TTLL7: variants seen among roughly 807,000 people sequenced by gnomAD.
The protein encoded by TTLL7 is tubulin polyglutamylase TTLL7.
Under a neutral mutation model 120.2 loss-of-function variants are expected in TTLL7, and 53 were observed. The ratio of observed to expected loss-of-function variants is 0.44; its 90% CI spans 0.35 to 0.55. TTLL7 has a LOEUF of 0.55. Among genes scored for constraint, TTLL7 ranks in the 20% least tolerant of loss-of-function variants. The pLI is 0.00. For synonymous variants in TTLL7, 353 were observed against 351.7 expected, an observed-to-expected ratio of 1.00 and a Z score of -0.04; for missense variants, 803 against 1,054.7, an observed-to-expected ratio of 0.76 and a Z score of 3.31.
In TTLL7 at chr1:83,865,036, G is replaced by A. The variant is rs751907772; in HGVS notation, c.*4926C>T. On this transcript the variant is annotated 3_prime_UTR_variant, in exon 21 of 21. Transcript: ENST00000260505. ...TGATGACATATTGTAGCTTTCTTAG[G>A]TTAAACTTTTTTATTATAGTAATGT... 6.8e-6 allele frequency: 1 copy of A among 148,022 alleles called. No individual in the cohort carries two copies. Among genetic ancestry groups the A allele is most frequent in the African/African-American group, 2.5e-5 (1 of 40,322 alleles). The allele number at this position is 148,022 out of a possible 1,614,324, so 9.2% of individuals were successfully genotyped here.
chr1:83,910,699 C>T (rs1242674762), intron 15 of TTLL7, among the ~76,000 whole-genome samples: 1 of 152,008 alleles, frequency 6.6e-6, no homozygotes, highest in Non-Finnish European at 1.5e-5. Context: ...AACAAAACTC[C>T]AACTATTTCA....
At chr1:83,910,429 T>C (rs1657578936) in intron 15 of TTLL7, among the ~76,000 whole-genome samples, 1 of 152,036 alleles carries the variant, frequency 6.6e-6, no homozygotes, top group Admixed American at 6.6e-5. Flanking sequence ...CAACTGAATC[T>C]AGGCAAACAG....
In TTLL7 at chr1:83,904,104, T is replaced by G. The variant is rs1656980161; in HGVS notation, c.2183A>C (p.Lys728Thr). Residue 728 changes from lysine (K) to threonine (T), a missense_variant, in exon 18 of 21, where the codon AAA becomes ACA. Coordinates refer to ENST00000260505, the MANE Select transcript of TTLL7 (RefSeq NM_024686.6). The stretch of plus-strand genomic sequence containing the variant: ...TTTTCGTTGTTTTACAGAGTCCAAT[T>G]TTATGAGCCAATATGAAGCCACTTT... ...KTKVASYWLI[K>T]LDSVKQRKVL... The G allele has an allele frequency of 1.9e-6, 3 of 1,612,124 alleles. No individual in the cohort carries two copies. Among genetic ancestry groups the G allele is most frequent in the Non-Finnish European group, 2.5e-6 (3 of 1,178,970 alleles).
At chr1:83,883,159 G>T (rs553436728) in intron 19 of TTLL7, 23 bp from the exon 20 acceptor site, 2 of 1,552,792 alleles carry the variant, frequency 1.3e-6, no homozygotes, top group Admixed American at 2.0e-5. Context: ...AAACAGACAT[G>T]ATCTCATGTT....
intron 1 of TTLL7, among the ~76,000 whole-genome samples, chr1:83,955,763 C>T (rs1392429287): frequency 6.6e-6 from 1 of 152,102 alleles, no homozygotes; most frequent in Admixed American, 6.5e-5. Context: ...ATAAATAATC[C>T]CAATACTTTG....
intron 13 of TTLL7, 128 bp from the exon 14 acceptor site, chr1:83,917,818 A>G (rs1658322555): frequency 3.1e-6 from 2 of 648,000 alleles, no homozygotes; most frequent in Non-Finnish European, 5.3e-6. Flanking sequence ...TTGCTCAGAA[A>G]AAAGGAGAAA....
rs1299461379 is a variant in TTLL7, at chr1:83,883,125, T to C, written c.2381A>G (p.Glu794Gly). Residue 794 changes from glutamate (E) to glycine (G), a missense_variant, in exon 20 of 21, where the codon GAG (glutamate) becomes GGG (glycine). Glu to Gly is a moderately conservative substitution (Grantham distance 98, BLOSUM62 -2). Transcript: ENST00000260505. Reference protein sequence around the residue: ...NCFCDSGSSWESIFNKSPEVV... With the variant: ...NCFCDSGSSWGSIFNKSPEVV... ...CTCCGGGCTTTTATTGAATATACTC[T>C]CCCAAGAGGATCTGTTGGCATGGAA... 2 of 1,590,516 alleles carry C rather than the reference T, an allele frequency of 1.3e-6. No individual in the cohort carries two copies. Among genetic ancestry groups the C allele is most frequent in the Admixed American group, 1.8e-5 (1 of 55,666 alleles).
chr1:83,911,764 G>A (rs1446974837), intron 14 of TTLL7, among the ~76,000 whole-genome samples: 2 of 151,756 alleles, frequency 1.3e-5, no homozygotes, highest in African/African-American at 4.8e-5. Flanking sequence ...TATCATTAAC[G>A]TTCAGAGTTA....
intron 1 of TTLL7, among the ~76,000 whole-genome samples, chr1:83,972,418 G>A (rs1021634974): frequency 1.3e-5 from 2 of 151,986 alleles, no homozygotes; most frequent in South Asian, 4.1e-4. Flanking sequence ...AAGGTTCCAT[G>A]TCTTTCTATG....
intron 7 of TTLL7, among the ~76,000 whole-genome samples, chr1:83,939,881 A>G (rs12116464): frequency 0.042 from 6,331 of 152,210 alleles, 157 homozygotes; most frequent in Middle Eastern, 0.099. Flanking sequence ...GTCCAGAAAC[A>G]CCCAATGAGA....
At chr1:83,970,903 C>T (rs954338534) in intron 1 of TTLL7, among the ~76,000 whole-genome samples, 3 of 152,020 alleles carry the variant, frequency 2.0e-5, no homozygotes, top group African/African-American at 7.2e-5. Context: ...GTAAAACACA[C>T]AGCTTCAGAG....
intron 8 of TTLL7, among the ~76,000 whole-genome samples, chr1:83,935,799 G>A (rs1186253948): frequency 6.6e-6 from 1 of 152,054 alleles, no homozygotes. Context: ...ACCTCGTCCT[G>A]TCATTCTCTT....
chr1:83,958,337 A>T (rs977473481), intron 1 of TTLL7, among the ~76,000 whole-genome samples: 5 of 152,226 alleles, frequency 3.3e-5, no homozygotes, highest in Non-Finnish European at 7.3e-5. Context: ...AATTGTAATT[A>T]TCGGATGAAA....
rs114180545 is a variant in TTLL7, at chr1:83,914,841, T to C, written c.1587+2763A>G. Among the ~76,000 whole-genome samples, 811 of 152,320 alleles carry C rather than the reference T, an allele frequency of 5.3e-3. 5 individuals carry two copies. Among genetic ancestry groups the C allele is most frequent in the African/African-American group, 0.018 (752 of 41,572 alleles). ...CTTCTACTAGCCAATGAGGTTCTTATGCATATATTTAACAAATTGAACTAA... is the reference window on the plus strand; with the variant it reads ...CTTCTACTAGCCAATGAGGTTCTTACGCATATATTTAACAAATTGAACTAA... On this transcript the variant is annotated intron_variant, in intron 14 of 20. Coordinates refer to ENST00000260505, the MANE Select transcript of TTLL7 (RefSeq NM_024686.6).
intron 1 of TTLL7, among the ~76,000 whole-genome samples, chr1:83,953,100 T>C (rs1027010308): frequency 1.3e-5 from 2 of 152,182 alleles, no homozygotes; most frequent in Non-Finnish European, 2.9e-5. Flanking sequence ...GTGGGGTCAT[T>C]ATTATGATGA....
At chr1:83,879,490 A>G (rs1319242758) in intron 20 of TTLL7, among the ~76,000 whole-genome samples, 1 of 151,992 alleles carries the variant, frequency 6.6e-6, no homozygotes, top group East Asian at 1.9e-4. Flanking sequence ...TGCCAATGCT[A>G]AAAGAAGACT....
chr1:83,878,860 T>C (rs1654193114), intron 20 of TTLL7, among the ~76,000 whole-genome samples: 1 of 151,934 alleles, frequency 6.6e-6, no homozygotes. Flanking sequence ...CTCTCTTCCA[T>C]GTGATAGATG....
At chr1:83,996,127 G>GT (rs1653456858) in intron 1 of TTLL7, among the ~76,000 whole-genome samples, 1 of 149,860 alleles carries the variant, frequency 6.7e-6, no homozygotes, top group Non-Finnish European at 1.5e-5. Context: ...TTATGAGGGT[G>GT]TTTTTTTCCT....
chr1:83,991,818 A>G (rs1290227732), intron 1 of TTLL7, among the ~76,000 whole-genome samples: 2 of 152,146 alleles, frequency 1.3e-5, no homozygotes, highest in African/African-American at 2.4e-5. Flanking sequence ...CACTCTATTT[A>G]TAGATATTGC....
Sources: allele counts gnomAD v4.1 joint callset (sites outside exome capture counted in the v4.1 genomes callset), GRCh38; gene constraint gnomAD v4.1.1; transcripts MANE v1.5; gene names NCBI Gene and HGNC (gene_info 2026-07-23, HGNC 2026-07-21).